Variants in SSBP3 observed in about 807,000 individuals in gnomAD.
SSBP3 encodes the protein single-stranded DNA-binding protein 3.
In SSBP3, 5 loss-of-function variants were observed where a neutral mutation model predicts 69.6. The observed-to-expected ratio is 0.07, with a 90% confidence interval of 0.04 to 0.15. The LOEUF is 0.15. Among genes scored for constraint, SSBP3 ranks in the 10% least tolerant of loss-of-function variants. The pLI is 1.00. For synonymous variants in SSBP3, 196 were observed against 193.4 expected, an observed-to-expected ratio of 1.01 and a Z score of -0.11; for missense variants, 312 against 534.0, an observed-to-expected ratio of 0.58 and a Z score of 4.10.
At chr1:54,402,381 C>T (rs1187564775) in intron 3 of SSBP3, among the ~76,000 whole-genome samples, 1 of 152,166 alleles carries the variant, frequency 6.6e-6, no homozygotes, top group Non-Finnish European at 1.5e-5. Context: ...ACCAAAATGG[C>T]TGCATATCCT....
At chr1:54,361,246 G>A (rs768881183) in intron 4 of SSBP3, among the ~76,000 whole-genome samples, 2 of 152,130 alleles carry the variant, frequency 1.3e-5, no homozygotes, top group Non-Finnish European at 2.9e-5. Flanking sequence ...CAGGACAAAG[G>A]ATAATCAAGA....
At chr1:54,321,401 T>C (rs1220017677) in intron 4 of SSBP3, among the ~76,000 whole-genome samples, 4 of 152,254 alleles carry the variant, frequency 2.6e-5, no homozygotes, top group Non-Finnish European at 4.4e-5. Context: ...GTCAAGTGGC[T>C]GGGTGGTATC....
chr1:54,304,289 T>C (rs1312775258), intron 4 of SSBP3, among the ~76,000 whole-genome samples: 1 of 151,380 alleles, frequency 6.6e-6, no homozygotes, highest in Non-Finnish European at 1.5e-5. Context: ...AAAAGGGAGC[T>C]GGGAATGATG....
At chr1:54,389,957 G>A (rs564600417) in intron 4 of SSBP3, among the ~76,000 whole-genome samples, 2 of 151,866 alleles carry the variant, frequency 1.3e-5, no homozygotes, top group East Asian at 3.9e-4. Context: ...ATCCCTCTAA[G>A]TGCCTCATTT....
chr1:54,355,461 G>A (rs905025016), intron 4 of SSBP3, among the ~76,000 whole-genome samples: 4 of 152,080 alleles, frequency 2.6e-5, no homozygotes, highest in African/African-American at 9.7e-5. Context: ...CGATTCTCCC[G>A]CCTCAACTTC....
At chr1:54,344,242 CAG>C (rs1316557115) in intron 4 of SSBP3, among the ~76,000 whole-genome samples, 1 of 152,144 alleles carries the variant, frequency 6.6e-6, no homozygotes, top group African/African-American at 2.4e-5. Context: ...GTGGAATTAC[CAG>C]AGTTTTGTTT....
intron 12 of SSBP3, 49 bp from the exon 13 acceptor site, chr1:54,241,008 A>G: frequency 1.3e-6 from 2 of 1,567,180 alleles, no homozygotes; most frequent in Non-Finnish European, 8.7e-7. Flanking sequence ...GGTAACGAAC[A>G]TGGGGAGGGG....
exon 2 of SSBP3, chr1:54,404,863 A>T: frequency 1.9e-6 from 3 of 1,606,286 alleles, no homozygotes; most frequent in Non-Finnish European, 2.6e-6. Flanking sequence ...CTCACCTCCG[A>T]TAAGAAGGTC....
At chr1:54,408,143 G>C (rs748065403), upstream of SSBP3, among the ~76,000 whole-genome samples, 2 of 152,072 alleles carry the variant, frequency 1.3e-5, no homozygotes, top group Non-Finnish European at 2.9e-5. Context: ...AGGACCCAGC[G>C]CTCACAGGGG....
At chr1:54,276,920 CCCT>C (rs1298392575) in intron 5 of SSBP3, among the ~76,000 whole-genome samples, 2 of 152,158 alleles carry the variant, frequency 1.3e-5, no homozygotes, top group Non-Finnish European at 2.9e-5. Flanking sequence ...TCCAGGAATG[CCCT>C]CCTGATTTCT....
exon 18 of SSBP3, chr1:54,226,805 AAACAAAAAAC>A: frequency 3.5e-6 from 1 of 283,184 alleles, no homozygotes; most frequent in Admixed American, 4.8e-5. Context: ...GTAAAACCCC[AAACAAAAAAC>A]AACAAAAAAG....
chr1:54,350,653 A>G (rs1646767461), intron 4 of SSBP3, among the ~76,000 whole-genome samples: 2 of 152,178 alleles, frequency 1.3e-5, no homozygotes, highest in South Asian at 4.1e-4. Flanking sequence ...TTTAGACACA[A>G]AGGCCTTGCT....
rs779933899 is a variant in SSBP3, at chr1:54,346,161, C to CA, written c.276+55699dup. Among the ~76,000 whole-genome samples the CA allele has an allele frequency of 7.2e-3, 950 of 132,362 alleles. 7 individuals are homozygous for CA. Among genetic ancestry groups the CA allele is most frequent in the Admixed American group, 0.012 (152 of 13,064 alleles). The allele number at this position is 132,362 out of a possible 152,430, so 86.8% of individuals were successfully genotyped here. A position where few individuals can be genotyped will look rare whatever the true frequency, so the allele number is the denominator to read the frequency against. On this transcript the variant is annotated intron_variant, in intron 4 of 17. Coordinates refer to ENST00000610401, the Ensembl canonical transcript of SSBP3. Reference sequence around the variant, plus strand: ...CGTGTGACAGAGTAAGACTTCATCTCAAAAAAAAAAAAAATTAGCCAGGCG... The same window carrying CA: ...CGTGTGACAGAGTAAGACTTCATCTCAAAAAAAAAAAAAAATTAGCCAGGCG...
At chr1:54,287,651 T>C (rs1645515604) in intron 4 of SSBP3, among the ~76,000 whole-genome samples, 1 of 151,172 alleles carries the variant, frequency 6.6e-6, no homozygotes, top group Admixed American at 6.6e-5. Context: ...GTAACCCGGG[T>C]CCCTCTGGGG....
intron 7 of SSBP3, 25 bp downstream of exon 7, chr1:54,257,102 G>A: frequency 6.3e-7 from 1 of 1,594,696 alleles, no homozygotes; most frequent in South Asian, 1.2e-5. Context: ...AGGGAGGGGA[G>A]AGAGAACATG....
chr1:54,257,950 C>T, intron 6 of SSBP3, 119 bp downstream of exon 6: 1 of 925,626 alleles, frequency 1.1e-6, no homozygotes. Context: ...TTTAATTTGT[C>T]AATAAAGACT....
At chr1:54,294,866 T>G (rs1313735629) in intron 4 of SSBP3, among the ~76,000 whole-genome samples, 1 of 152,134 alleles carries the variant, frequency 6.6e-6, no homozygotes, top group African/African-American at 2.4e-5. Flanking sequence ...AAAAGGGGCT[T>G]GGACAAAAGC....
At chr1:54,260,984 C>T (rs1645008199) in intron 5 of SSBP3, among the ~76,000 whole-genome samples, 1 of 152,226 alleles carries the variant, frequency 6.6e-6, no homozygotes, top group South Asian at 2.1e-4. Flanking sequence ...ACAGGCTCTG[C>T]CTGCCCACCT....
At chr1:54,381,031 AGGAG>A (rs776749459) in intron 4 of SSBP3, among the ~76,000 whole-genome samples, 4 of 151,776 alleles carry the variant, frequency 2.6e-5, no homozygotes, top group Non-Finnish European at 4.4e-5. Context: ...AGGCTGAAGC[AGGAG>A]GAGTTTGAGG....
Sources: gnomAD v4.1 joint callset for allele counts (sites outside exome capture counted in the v4.1 genomes callset) on GRCh38, gnomAD v4.1.1 for gene constraint, MANE v1.5 for transcripts, NCBI Gene and HGNC (gene_info 2026-07-23, HGNC 2026-07-21) for gene names.